Variants in MYRFL observed in about 807,000 individuals in gnomAD.
The protein encoded by MYRFL is myelin regulatory factor-like protein.
MYRFL carries 88 observed loss-of-function variants against 109.4 expected under a neutral mutation model. The observed-to-expected ratio is 0.80, with a 90% confidence interval of 0.68 to 0.96. The LOEUF (loss-of-function observed/expected upper bound fraction) is 0.96. Among genes scored for constraint, MYRFL ranks in the 40% least tolerant of loss-of-function variants. The probability of loss-of-function intolerance (pLI) is 0.00; values close to 1 mark genes in which losing one functional copy is unlikely to be tolerated. For synonymous variants in MYRFL, 324 were observed against 320.9 expected, an observed-to-expected ratio of 1.01 and a Z score of -0.10; for missense variants, 957 against 954.9, an observed-to-expected ratio of 1.00 and a Z score of -0.03.
intron 1 of MYRFL, among the ~76,000 whole-genome samples, chr12:69,847,838 A>C (rs1481231459): frequency 6.6e-6 from 1 of 152,216 alleles, no homozygotes; most frequent in Non-Finnish European, 1.5e-5. Flanking sequence ...TTTGCTTTCA[A>C]CCTTGCTTTT....
intron 1 of MYRFL, among the ~76,000 whole-genome samples, chr12:69,836,892 C>T (rs550256710): frequency 3.3e-5 from 5 of 152,216 alleles, no homozygotes; most frequent in East Asian, 3.9e-4. Flanking sequence ...AGACGGCCAC[C>T]AATATTAACG....
chr12:69,850,300 T>C (rs535424792), intron 1 of MYRFL, among the ~76,000 whole-genome samples: 3 of 152,236 alleles, frequency 2.0e-5, no homozygotes, highest in African/African-American at 7.2e-5. Context: ...AGTAGGTAGA[T>C]AGATGGATAG....
chr12:69,957,939 A>C lies in MYRFL; in HGVS notation c.2568A>C (p.Thr856=). 1 of 1,531,848 alleles carries C rather than the reference A, an allele frequency of 6.5e-7. No individual in the cohort carries two copies. The highest frequency in any genetic ancestry group is 2.5e-5 in the East Asian group (1 of 40,770). The allele number at this position is 1,531,848 out of a possible 1,614,324, so 94.9% of individuals were successfully genotyped here. The change falls in exon 23 of 25, where the codon ACA becomes ACC. Residue 856 remains threonine, a synonymous_variant. Transcript: ENST00000552032. Reference sequence around the variant, plus strand: ...ACAGAGAAATCTCCCAGGAGATGACACAGGTAATGTTTTCTGCCTCCTCTC... The same window carrying C: ...ACAGAGAAATCTCCCAGGAGATGACCCAGGTAATGTTTTCTGCCTCCTCTC... ...ESHREISQEM[T]QGYQHIWSLP...
At position 69,952,150 on chromosome 12, in the gene MYRFL, C is replaced by T. The variant is rs1451338792; in HGVS notation, c.2262C>T (p.Leu754=). 6.5e-6 allele frequency: 10 copies of T among 1,535,968 alleles called. No individual in the cohort carries two copies. The East Asian group carries it at 1.2e-4, about 19-fold the overall frequency. ...AATCAGTTTTGGCAAGAAATGCACT[C>T]AGCGGCCCTGACTGGGAGAGTGACT... ...KSKSVLARNA[L]SGPDWESDWI... The change falls in exon 20 of 25, where the codon CTC becomes CTT. Residue 754 remains leucine (L), a synonymous_variant. Transcript: ENST00000552032.
intron 1 of MYRFL, among the ~76,000 whole-genome samples, chr12:69,837,650 G>C (rs977191873): frequency 1.3e-5 from 2 of 152,186 alleles, no homozygotes; most frequent in Non-Finnish European, 2.9e-5. Flanking sequence ...ACCCAGGCCT[G>C]CCTGACTTGC....
Position 69,886,921 on chromosome 12 carries a change from T to C in MYRFL, c.658T>C (p.Cys220Arg). 1.3e-6 allele frequency: 2 copies of C among 1,535,900 alleles called. No individual in the cohort carries two copies. The highest frequency in any genetic ancestry group is 1.7e-6 in the Non-Finnish European group (2 of 1,146,724). Reference protein sequence around the residue: ...QCSPALKWQPCHSVPWHSLLN... With the variant: ...QCSPALKWQPRHSVPWHSLLN... ...CTCTCCTGCTCTGAAGTGGCAACCATGCCATAGTGTTCCTTGGCACAGCTT... is the reference window on the plus strand; with the variant it reads ...CTCTCCTGCTCTGAAGTGGCAACCACGCCATAGTGTTCCTTGGCACAGCTT... The change falls in exon 6 of 25, where the codon TGC becomes CGC. Residue 220 changes from cysteine (C) to arginine (R), a missense_variant. Coordinates refer to ENST00000552032, the MANE Select transcript of MYRFL (RefSeq NM_182530.3).
intron 19 of MYRFL, among the ~76,000 whole-genome samples, chr12:69,945,803 C>T (rs1274445353): frequency 2.8e-4 from 42 of 150,174 alleles, no homozygotes; most frequent in Admixed American, 2.7e-3. Flanking sequence ...CTGGCTAAAA[C>T]GGTGAAACCC....
At chr12:69,844,024 C>T (rs1415437515) in intron 1 of MYRFL, among the ~76,000 whole-genome samples, 10 of 152,126 alleles carry the variant, frequency 6.6e-5, no homozygotes, top group African/African-American at 9.7e-5. Flanking sequence ...TAGAGCAAAG[C>T]GATTATTTTT....
chr12:69,941,706 G>C (rs1397108657), intron 19 of MYRFL, among the ~76,000 whole-genome samples: 1 of 143,984 alleles, frequency 6.9e-6, no homozygotes, highest in African/African-American at 2.7e-5. Context: ...GAAGGAAATA[G>C]AGACACAAAA....
chr12:69,924,694 A>C (rs1246317513), intron 13 of MYRFL, among the ~76,000 whole-genome samples: 1 of 152,208 alleles, frequency 6.6e-6, no homozygotes, highest in Non-Finnish European at 1.5e-5. Context: ...TGGATTTTGA[A>C]GGATGTATGG....
chr12:69,910,887 G>A lies in MYRFL; in HGVS notation c.1559G>A (p.Cys520Tyr). Residue 520 changes from cysteine (C) to tyrosine (Y), a missense_variant, in exon 13 of 25, where the codon TGC (cysteine) becomes TAC (tyrosine). By Grantham distance (194) the Cys-to-Tyr change is radical. Coordinates refer to ENST00000552032, the MANE Select transcript of MYRFL (RefSeq NM_182530.3). The stretch of plus-strand genomic sequence containing the variant: ...GTAAGAGAGGTTGGTGATGTCACCT[G>A]CGGAAACGGAGAGACCTTGGAGAAC... ...RAVREVGDVT[C>Y]GNGETLENFL... 4 of 1,535,316 alleles carry A rather than the reference G, an allele frequency of 2.6e-6. No homozygotes were observed. Among genetic ancestry groups the A allele is most frequent in the Non-Finnish European group, 3.5e-6 (4 of 1,146,304 alleles).
chr12:69,831,980 G>C (rs1882655768), intron 1 of MYRFL, among the ~76,000 whole-genome samples: 1 of 152,142 alleles, frequency 6.6e-6, no homozygotes, highest in South Asian at 2.1e-4. Context: ...GAGGAGGCTG[G>C]AGGTTTTATA....
intron 9 of MYRFL, among the ~76,000 whole-genome samples, chr12:69,896,255 G>A (rs11177944): frequency 0.32 from 48,285 of 151,962 alleles, 7,947 homozygotes; most frequent in African/African-American, 0.36. Context: ...GGTGCTCTAA[G>A]TAGACTAATG....
Position 69,879,148 on chromosome 12 carries a change from C to CG in MYRFL, c.206-47_206-46insG, listed in dbSNP as rs781281291. 1.1e-5 allele frequency: 8 copies of CG among 702,782 alleles called. No individual in the cohort carries two copies. The Admixed American group carries it at 1.6e-4, about 14-fold the overall frequency. The allele number at this position is 702,782 out of a possible 1,614,324, so 43.5% of individuals were successfully genotyped here. The stretch of plus-strand genomic sequence containing the variant: ...TGGCACTGTTGCTCTTCCTCCTCGA[C>CG]TCTGGGCCGTGAGAAAGGGGCACTT... On this transcript the variant is annotated intron_variant, in intron 3 of 24. Transcript: ENST00000552032.
chr12:69,879,072 C>T lies in MYRFL; in HGVS notation c.182C>T (p.Ser61Leu), dbSNP rs1232850939. Reference protein sequence around the residue: ...PDTPPYSASDSCSPPQVKGAC... With the variant: ...PDTPPYSASDLCSPPQVKGAC... ...ACCCCGCCCTATTCTGCATCCGACT[C>T]ATGCTCTCCTCCGCAGGTCAAAGGT... The change falls in exon 3 of 25, where the codon TCA becomes TTA. Residue 61 changes from serine to leucine, a missense_variant. Ser to Leu is a moderately radical substitution (Grantham distance 145). Transcript: ENST00000552032. The T allele has an allele frequency of 1.4e-6, 1 of 703,036 alleles. No homozygotes were observed. The highest frequency in any genetic ancestry group is 2.0e-5 in the Admixed American group (1 of 50,012). The allele number at this position is 703,036 out of a possible 1,614,324, so 43.5% of individuals were successfully genotyped here. A position where few individuals can be genotyped will look rare whatever the true frequency, so the allele number is the denominator to read the frequency against.
intron 2 of MYRFL, among the ~76,000 whole-genome samples, chr12:69,856,671 T>A (rs1884306697): frequency 6.6e-6 from 1 of 152,054 alleles, no homozygotes; most frequent in Non-Finnish European, 1.5e-5. Context: ...CATCATTTCA[T>A]GTACTAGTTC....
intron 2 of MYRFL, among the ~76,000 whole-genome samples, chr12:69,872,774 C>T (rs1346850487): frequency 1.3e-5 from 2 of 151,964 alleles, no homozygotes; most frequent in African/African-American, 2.4e-5. Context: ...GCTGGGATTA[C>T]GGGTGTGAGC....
At chr12:69,924,765 A>AT (rs972859250) in intron 13 of MYRFL, among the ~76,000 whole-genome samples, 23 of 151,928 alleles carry the variant, frequency 1.5e-4, no homozygotes, top group African/African-American at 3.1e-4. Flanking sequence ...TACAAGTATG[A>AT]TTTTTTTTGT....
At chr12:69,955,931 G>C (rs1211979144) in intron 22 of MYRFL, among the ~76,000 whole-genome samples, 1 of 151,716 alleles carries the variant, frequency 6.6e-6, no homozygotes, top group African/African-American at 2.4e-5. Flanking sequence ...TGTGATCTTG[G>C]ACAAGCCACT....
Sources: gnomAD v4.1 joint callset for allele counts (sites outside exome capture counted in the v4.1 genomes callset) on GRCh38, gnomAD v4.1.1 for gene constraint, MANE v1.5 for transcripts, NCBI Gene and HGNC (gene_info 2026-07-23, HGNC 2026-07-21) for gene names.